The following CLPB variants were observed in gnomAD, a reference collection of about 807,000 sequenced individuals.
CLPB encodes the protein ClpB family mitochondrial disaggregase.
CLPB carries 40 observed loss-of-function variants against 78.4 expected under a neutral mutation model. The observed-to-expected ratio is 0.51, with a 90% CI of 0.40 to 0.66. The LOEUF (loss-of-function observed/expected upper bound fraction) is 0.66. CLPB is among the 30% of genes least tolerant of loss of function. The pLI is 0.00. For missense variants in CLPB, 780 were observed against 886.9 expected (o/e 0.88, Z 1.53); for synonymous variants, 333 against 348.0 (o/e 0.96, Z 0.48).
At chr11:72,388,451 C>T (rs1030505444) in intron 3 of CLPB, among the ~76,000 whole-genome samples, 14 of 152,182 alleles carry the variant, frequency 9.2e-5, no homozygotes, top group African/African-American at 3.1e-4. Flanking sequence ...CGGGGTTTCA[C>T]CGTGTTAGCC....
At chr11:72,297,636 GGTGTGTGTGTGTGTGTGTGT>G (rs67807556) in intron 11 of CLPB, among the ~76,000 whole-genome samples, 1,762 of 93,446 alleles carry the variant, frequency 0.019, 35 homozygotes, top group Middle Eastern at 0.043. Flanking sequence ...TTGGGGACCA[GGTGTGTGTGTGTGTGTGTGT>G]GTGTGTGTGT....
At position 72,286,231 on chromosome 11, in the gene CLPB, T is replaced by TTTTTTTTTTTGTTTG. The variant is rs1949388518; in HGVS notation, c.*7135_*7136insCAAACAAAAAAAAAA. On this transcript the variant is annotated 3_prime_UTR_variant, in exon 16 of 16. Coordinates refer to ENST00000538039, the MANE Select transcript of CLPB (RefSeq NM_001258392.3). ...TGTGAGATACTGCACCTGTTTTTTT[T>TTTTTTTTTTTGTTTG]TTTTTTTTTTTTTTTAAGAGATAGG... 1 of 134,126 alleles carries TTTTTTTTTTTGTTTG rather than the reference T, an allele frequency of 7.5e-6. No homozygotes were observed. The highest frequency in any genetic ancestry group is 7.3e-5 in the Admixed American group (1 of 13,742). 8.3% of individuals were successfully genotyped at this position (134,126 alleles called of 1,614,324 possible).
chr11:72,354,647 C>A, intron 5 of CLPB: 1 of 304,300 alleles, frequency 3.3e-6, no homozygotes, highest in Non-Finnish European at 6.0e-6. Flanking sequence ...GAAGCAGAGC[C>A]TTCCTGCTGA....
At chr11:72,423,663 A>C (rs1247832659) in intron 2 of CLPB, among the ~76,000 whole-genome samples, 1 of 152,244 alleles carries the variant, frequency 6.6e-6, no homozygotes, top group Non-Finnish European at 1.5e-5. Context: ...ATCATGTCAC[A>C]ATGTGTACCT....
Position 72,390,315 on chromosome 11 carries a change from G to A in CLPB, c.543-9931C>T, listed in dbSNP as rs141519882. ...TAGCCAGGTGTGATGGCAGGTACCT[G>A]TAATCCCAACTAATCGGGAGGCTGA... is the stretch of plus-strand genomic sequence containing the variant. On this transcript the variant is annotated intron_variant, in intron 3 of 15. Coordinates refer to ENST00000538039, the MANE Select transcript of CLPB (RefSeq NM_001258392.3). 5.3e-3 allele frequency among the ~76,000 whole-genome samples: 813 copies of A among 152,030 alleles called. 3 individuals carry two copies. Among genetic ancestry groups the A allele is most frequent in the Middle Eastern group, 0.014 (4 of 292 alleles).
At position 72,302,298 on chromosome 11, in the gene CLPB, A is replaced by G. The variant is rs748976093; in HGVS notation, c.1167+6T>C. On this transcript the variant is annotated splice_donor_region_variant and intron_variant, in intron 10 of 15. Transcript: ENST00000538039. ...CATGCTTCAATCAAGGACTGTCATC[A>G]CTCACCTCGTGTCGCTCCTGGAACT... 1.2e-6 allele frequency: 2 copies of G among 1,613,794 alleles called. No individual in the cohort carries two copies. Among genetic ancestry groups the G allele is most frequent in the Middle Eastern group, 1.6e-4 (1 of 6,062 alleles).
At chr11:72,343,240 A>G (rs1393172477) in intron 5 of CLPB, among the ~76,000 whole-genome samples, 1 of 152,228 alleles carries the variant, frequency 6.6e-6, no homozygotes, top group Non-Finnish European at 1.5e-5. Flanking sequence ...CAAGGAAGAT[A>G]GGAAGCCTTA....
At chr11:72,415,939 C>A (rs1056466703) in intron 2 of CLPB, among the ~76,000 whole-genome samples, 1 of 152,164 alleles carries the variant, frequency 6.6e-6, no homozygotes, top group African/African-American at 2.4e-5. Context: ...GAGGAGGAGA[C>A]TTGAAACCAC....
At chr11:72,309,280 G>A (rs1411185048) in intron 7 of CLPB, among the ~76,000 whole-genome samples, 3 of 152,142 alleles carry the variant, frequency 2.0e-5, no homozygotes, top group Non-Finnish European at 4.4e-5. Context: ...CAGGTTCCTT[G>A]GAGGCTCAAC....
intron 4 of CLPB, among the ~76,000 whole-genome samples, chr11:72,367,321 A>C (rs567791897): frequency 1.3e-5 from 2 of 152,182 alleles, no homozygotes; most frequent in Non-Finnish European, 2.9e-5. Flanking sequence ...GTGCCACCAC[A>C]CCAGGGTAAT....
At chr11:72,376,029 T>G (rs1262696458) in intron 4 of CLPB, among the ~76,000 whole-genome samples, 1 of 152,228 alleles carries the variant, frequency 6.6e-6, no homozygotes, top group Admixed American at 6.5e-5. Flanking sequence ...GACTTGGCAG[T>G]GACTCCATAG....
intron 11 of CLPB, among the ~76,000 whole-genome samples, chr11:72,295,952 A>G (rs1347856078): frequency 1.3e-5 from 2 of 152,218 alleles, no homozygotes; most frequent in African/African-American, 4.8e-5. Context: ...AGTCACAGTT[A>G]GCCATTCATT....
intron 5 of CLPB, among the ~76,000 whole-genome samples, chr11:72,340,785 G>C (rs1950406142): frequency 6.6e-6 from 1 of 152,180 alleles, no homozygotes; most frequent in South Asian, 2.1e-4. Flanking sequence ...GGTTGTTACT[G>C]AACTGCTTGG....
intron 2 of CLPB, among the ~76,000 whole-genome samples, chr11:72,410,217 C>G (rs1855836374): frequency 1.3e-5 from 2 of 152,154 alleles, no homozygotes; most frequent in South Asian, 4.1e-4. Context: ...GCAACAAGAG[C>G]AGAACTCCAT....
intron 3 of CLPB, among the ~76,000 whole-genome samples, chr11:72,390,757 G>A (rs533576218): frequency 1.3e-5 from 2 of 152,324 alleles, no homozygotes; most frequent in Admixed American, 6.5e-5. Flanking sequence ...AGCCAATCTT[G>A]CAGGACTTCA....
chr11:72,327,975 A>G (rs1227977671), intron 6 of CLPB, among the ~76,000 whole-genome samples: 1 of 152,202 alleles, frequency 6.6e-6, no homozygotes, highest in Non-Finnish European at 1.5e-5. Flanking sequence ...TAAAAATACC[A>G]GGGAGGCAAA....
chr11:72,313,082 G>C (rs186626399), intron 7 of CLPB, among the ~76,000 whole-genome samples: 89 of 152,316 alleles, frequency 5.8e-4, no homozygotes, highest in Admixed American at 3.1e-3. Context: ...TGGGTGGGCT[G>C]ACTTACCTTT....
chr11:72,332,053 T>C (rs1950236341), intron 5 of CLPB, among the ~76,000 whole-genome samples: 1 of 152,092 alleles, frequency 6.6e-6, no homozygotes, highest in Non-Finnish European at 1.5e-5. Context: ...AAGGAAACTT[T>C]TATTATCAGT....
At chr11:72,354,175 T>C in intron 5 of CLPB, 1 of 371,764 alleles carries the variant, frequency 2.7e-6, no homozygotes, top group Non-Finnish European at 4.7e-6. Context: ...ATATTCATGC[T>C]CTTCCCTTGC....
Sources: gnomAD v4.1 joint callset for allele counts (sites outside exome capture counted in the v4.1 genomes callset) on GRCh38, gnomAD v4.1.1 for gene constraint, MANE v1.5 for transcripts, NCBI Gene and HGNC (gene_info 2026-07-23, HGNC 2026-07-21) for gene names.